PCDH11Y: variants seen among roughly 807,000 people sequenced by gnomAD.
PCDH11Y encodes protocadherin-11 Y-linked.
For synonymous variants in PCDH11Y, 9 were observed against 83.6 expected, an observed-to-expected ratio of 0.11 and a Z score of 4.87; for missense variants, 12 against 224.8, an observed-to-expected ratio of 0.05 and a Z score of 6.05.
intron 4 of PCDH11Y, among the ~76,000 whole-genome samples, chrY:5,650,605 T>G (rs2053530593): frequency 8.4e-4 from 28 of 33,293 alleles, no homozygotes; most frequent in African/African-American, 3.2e-3. Flanking sequence ...GTTTACTGTT[T>G]TTTGAACATC....
intron 4 of PCDH11Y, among the ~76,000 whole-genome samples, chrY:5,665,361 T>C (rs1602957793): frequency 2.9e-5 from 1 of 34,141 alleles, no homozygotes; most frequent in East Asian, 7.8e-4. Context: ...TTAAGGATCA[T>C]AGAATCCAAG....
intron 2 of PCDH11Y, among the ~76,000 whole-genome samples, chrY:5,291,358 C>T (rs2053067222): frequency 6.2e-4 from 21 of 33,711 alleles, no homozygotes; most frequent in Non-Finnish European, 1.4e-3. Flanking sequence ...ACAGTAAGAT[C>T]GTTATCAACT....
chrY:5,548,565 A>C, intron 3 of PCDH11Y, among the ~76,000 whole-genome samples: 2 of 32,235 alleles, frequency 6.2e-5, no homozygotes, highest in Non-Finnish European at 1.5e-4. Flanking sequence ...CAGGAAATAC[A>C]GAGAACCCCT....
At chrY:5,646,902 C>A in intron 4 of PCDH11Y, among the ~76,000 whole-genome samples, 1 of 32,794 alleles carries the variant, frequency 3.0e-5, no homozygotes, top group Non-Finnish European at 7.5e-5. Context: ...AAAGAAAATA[C>A]TTTTTAAAAG....
At chrY:5,613,334 A>G in intron 4 of PCDH11Y, among the ~76,000 whole-genome samples, 1 of 31,976 alleles carries the variant, frequency 3.1e-5, no homozygotes, top group Non-Finnish European at 7.5e-5. Context: ...CATATTATCT[A>G]TTCTAAAGGT....
At chrY:5,492,111 G>A in intron 2 of PCDH11Y, among the ~76,000 whole-genome samples, 1 of 33,695 alleles carries the variant, frequency 3.0e-5, no homozygotes, top group African/African-American at 1.2e-4. Flanking sequence ...CGTAGCTGAT[G>A]TTTTGAAAAC....
At chrY:5,034,781 A>C (rs2124622081) in intron 3 of PCDH11Y, among the ~76,000 whole-genome samples, 1 of 30,173 alleles carries the variant, frequency 3.3e-5, no homozygotes, top group African/African-American at 1.3e-4. Context: ...ATTTAACCTT[A>C]TCGTTACTCT....
intron 4 of PCDH11Y, among the ~76,000 whole-genome samples, chrY:5,649,567 C>A (rs2053529504): frequency 3.4e-5 from 1 of 29,187 alleles, no homozygotes. Flanking sequence ...AGAGCATACA[C>A]CCCCACCAAA....
chrY:5,602,227 A>G, intron 4 of PCDH11Y, among the ~76,000 whole-genome samples: 1 of 31,274 alleles, frequency 3.2e-5, no homozygotes, highest in African/African-American at 1.3e-4. Flanking sequence ...ACCCGTGTTA[A>G]TTTAACTTTT....
chrY:5,525,378 C>T, intron 3 of PCDH11Y, among the ~76,000 whole-genome samples: 1 of 24,638 alleles, frequency 4.1e-5, no homozygotes, highest in African/African-American at 1.6e-4. Context: ...GAGATTTCCC[C>T]GTTGCCAAAA....
chrY:5,295,337 CCT>C (rs2053072435), intron 2 of PCDH11Y, among the ~76,000 whole-genome samples: 7 of 32,658 alleles, frequency 2.1e-4, no homozygotes, highest in Admixed American at 8.6e-4. Flanking sequence ...ACTTTCTACC[CCT>C]GTTTCTTTTT....
chrY:5,193,073 G>A lies in PCDH11Y; in HGVS notation c.3129+92366G>A, dbSNP rs371678689. Among the ~76,000 whole-genome samples the A allele has an allele frequency of 4.4e-3, 148 of 33,453 alleles. No individual in the cohort carries two copies. The East Asian group carries it at 0.11, about 24-fold the overall frequency. The allele number at this position is 33,453 out of a possible 37,273, so 89.8% of individuals were successfully genotyped here. ...TGTTATCCTGTCTCACAGTTAAAGC[G>A]ACTGAGTCACAAGCAAATAAAGAGT... On this transcript the variant is annotated intron_variant, in intron 2 of 4. Coordinates refer to the PCDH11Y transcript ENST00000400457.
At chrY:5,385,348 T>C (rs2124675083) in intron 2 of PCDH11Y, among the ~76,000 whole-genome samples, 3 of 30,019 alleles carry the variant, frequency 1.0e-4, no homozygotes, top group African/African-American at 2.6e-4. Context: ...TTCTTATGCC[T>C]CTGCATTCTC....
chrY:5,177,380 C>T, intron 2 of PCDH11Y, among the ~76,000 whole-genome samples: 1 of 33,375 alleles, frequency 3.0e-5, no homozygotes, highest in South Asian at 6.5e-4. Context: ...ATCAGTACAT[C>T]GAAGAGATAT....
At chrY:5,715,543 C>A (rs2124713491) in intron 4 of PCDH11Y, among the ~76,000 whole-genome samples, 3 of 33,674 alleles carry the variant, frequency 8.9e-5, no homozygotes, top group African/African-American at 3.5e-4. Flanking sequence ...TGGGCACATG[C>A]CATCTACCAA....
intron 2 of PCDH11Y, among the ~76,000 whole-genome samples, chrY:5,297,011 A>G (rs2053075484): frequency 6.1e-5 from 2 of 32,790 alleles, no homozygotes; most frequent in South Asian, 1.4e-3. Context: ...GAGGCTCACT[A>G]AGACCTTCGT....
intron 4 of PCDH11Y, among the ~76,000 whole-genome samples, chrY:5,735,532 A>C: frequency 3.0e-5 from 1 of 32,903 alleles, no homozygotes; most frequent in Non-Finnish European, 7.4e-5. Flanking sequence ...GTTGAAAATC[A>C]CTTTAGAATT....
chrY:5,167,920 A>G, intron 2 of PCDH11Y, among the ~76,000 whole-genome samples: 1 of 29,273 alleles, frequency 3.4e-5, no homozygotes. Flanking sequence ...ATCTCACACA[A>G]TAGGGATATT....
intron 2 of PCDH11Y, among the ~76,000 whole-genome samples, chrY:5,369,498 C>T: frequency 3.0e-5 from 1 of 33,335 alleles, no homozygotes; most frequent in South Asian, 6.9e-4. Context: ...TCCAATTAAA[C>T]CTCTTTTTCT....
Sources: allele counts gnomAD v4.1 joint callset (sites outside exome capture counted in the v4.1 genomes callset), GRCh38; gene constraint gnomAD v4.1.1; transcripts MANE v1.5; gene names NCBI Gene and HGNC (gene_info 2026-07-23, HGNC 2026-07-21).